Variants in SNX19 observed in about 807,000 individuals in gnomAD.
SNX19 encodes the protein sorting nexin 19, also known as sorting nexin-19.
A neutral mutation model predicts 85.2 loss-of-function variants in SNX19; 60 were observed. That is an observed-to-expected ratio of 0.70 (90% CI 0.57 to 0.87). The LOEUF (loss-of-function observed/expected upper bound fraction) is 0.87, where lower values mean the gene tolerates loss of function less well. Ranked by LOEUF, SNX19 falls within the 40% of genes least tolerant of loss-of-function variation. SNX19 has a pLI of 0.00. For synonymous variants in SNX19, 520 were observed against 470.0 expected (o/e 1.11, Z -1.38); for missense variants, 1,201 against 1,217.8 (o/e 0.99, Z 0.21).
intron 8 of SNX19, among the ~76,000 whole-genome samples, chr11:130,898,291 C>T (rs893918438): frequency 6.6e-6 from 1 of 152,028 alleles, no homozygotes; most frequent in Non-Finnish European, 1.5e-5. Context: ...AATAAACTTG[C>T]CTGCTTGGGG....
chr11:130,880,874 A>G, intron 8 of SNX19, 68 bp from the exon 9 acceptor site: 3 of 1,314,918 alleles, frequency 2.3e-6, no homozygotes, highest in Non-Finnish European at 3.1e-6. Flanking sequence ...CAGCGGACTG[A>G]CTGTTTATGT....
In SNX19 at chr11:130,914,462, G is replaced by A; in HGVS notation, c.1478C>T (p.Ser493Phe). Residue 493 changes from serine to phenylalanine, a missense_variant, in exon 1 of 11, where the codon TCC becomes TTC. Physicochemically the swap from Ser to Phe is radical, Grantham distance 155. This residue lies in a region of SNX19 where 791 missense variants were observed against 750.9 expected (regional missense o/e 1.05). Coordinates refer to ENST00000265909, the MANE Select transcript of SNX19 (RefSeq NM_014758.3). ...LEKDLTNDVS[S>F]LDPTLPPVLL... ...AACTGGTGGCAGAGTAGGATCAAGG[G>A]AGCTCACATCATTGGTGAGATCCTT... The A allele has an allele frequency of 1.2e-6, 2 of 1,613,864 alleles. No individual in the cohort carries two copies. The highest frequency in any genetic ancestry group is 2.2e-5 in the South Asian group (2 of 91,048).
rs1181870454 is a variant in SNX19, at chr11:130,915,871, C to T, written c.69G>A (p.Leu23=). The T allele has an allele frequency of 6.2e-7, 1 of 1,614,228 alleles. No individual in the cohort carries two copies. The highest frequency in any genetic ancestry group is 8.5e-7 in the Non-Finnish European group (1 of 1,180,044). ...CAGCCATCAGCTTCCGGCTACTCAA[C>T]AGGTTATTGAGGTGACAGCTCGATC... ...PAGSSCHLNN[L]LSSRKLMAVG... is the part of the protein sequence containing the mutation. The change falls in exon 1 of 11, where the codon CTG becomes CTA. Residue 23 remains leucine, a synonymous_variant. Transcript: ENST00000265909.
Position 130,893,030 on chromosome 11 carries a change from GAC to G in SNX19, c.2573+10223_2573+10224del, listed in dbSNP as rs1178441231. On this transcript the variant is annotated intron_variant, in intron 8 of 10. Coordinates refer to ENST00000265909, the MANE Select transcript of SNX19 (RefSeq NM_014758.3). ...GCTGAAGCACCAGGAAGAAAGGCAA[GAC>G]ACAAAAGAGGGAAGAAGGCAGTAAT... is the stretch of plus-strand genomic sequence containing the variant. 5 of 152,276 alleles carry G rather than the reference GAC, an allele frequency of 3.3e-5. No individual in the cohort carries two copies. The East Asian group carries it at 7.7e-4, about 24-fold the overall frequency. The allele number at this position is 152,276 out of a possible 1,614,324, so 9.4% of individuals were successfully genotyped here.
In SNX19 at chr11:130,906,635, T is replaced by C; in HGVS notation, c.2252A>G (p.Glu751Gly). ...GGTTTTGGTTCTTACCACATTGCCTTCCTGGAGACAATAAAGAATCTTGTC... is the reference window on the plus strand; with the variant it reads ...GGTTTTGGTTCTTACCACATTGCCTCCCTGGAGACAATAAAGAATCTTGTC... The part of the protein sequence containing the change: ...AQDKILYCLQ[E>G]GNVESETLSM... Residue 751 changes from glutamate to glycine, a missense_variant, in exon 6 of 11, where the codon GAA becomes GGA. By Grantham distance (98) the Glu-to-Gly change is moderately conservative (BLOSUM62 -2). This residue lies in a region of SNX19 where 285 missense variants were observed against 295.3 expected (regional missense o/e 0.97). Transcript: ENST00000265909. The C allele has an allele frequency of 3.7e-6, 6 of 1,611,826 alleles. No individual in the cohort carries two copies. The Middle Eastern group carries it at 1.0e-3, about 268-fold the overall frequency.
intron 8 of SNX19, among the ~76,000 whole-genome samples, chr11:130,881,683 C>T (rs950075322): frequency 6.6e-6 from 1 of 152,354 alleles, no homozygotes; most frequent in East Asian, 1.9e-4. Context: ...GGCCTCTTCT[C>T]GCCTTGCCTG....
At chr11:130,891,818 G>A (rs377050514) in intron 8 of SNX19, among the ~76,000 whole-genome samples, 1 of 149,406 alleles carries the variant, frequency 6.7e-6, no homozygotes, top group African/African-American at 2.5e-5. Context: ...ATTGTGACAT[G>A]TTTAAGATTT....
chr11:130,899,885 C>G (rs938166312), intron 8 of SNX19, among the ~76,000 whole-genome samples: 2 of 152,182 alleles, frequency 1.3e-5, no homozygotes, highest in African/African-American at 4.8e-5. Context: ...AATAGTGATG[C>G]TTTTCCATAA....
At chr11:130,903,429 A>G in intron 7 of SNX19, 45 bp from the exon 8 acceptor site, 1 of 1,591,504 alleles carries the variant, frequency 6.3e-7, no homozygotes, top group Non-Finnish European at 8.5e-7. Flanking sequence ...AGAGACCCAT[A>G]CTTGAGGAAC....
At chr11:130,883,742 C>A (rs535261795) in intron 8 of SNX19, among the ~76,000 whole-genome samples, 2 of 152,302 alleles carry the variant, frequency 1.3e-5, no homozygotes, top group South Asian at 4.1e-4. Flanking sequence ...TAGTCCCAGG[C>A]AGCCTGTGTA....
rs35343079 is a variant in SNX19 at position 130,898,152 on chromosome 11, G to GTT, written c.2573+5101_2573+5102dup. ...GGGGTTATGAGGTCGAACTTACTCT[G>GTT]TTTTTTTTTTTTCCTTTGCAGGATA... On this transcript the variant is annotated intron_variant, in intron 8 of 10. Transcript: ENST00000265909. Among the ~76,000 whole-genome samples the GTT allele has an allele frequency of 3.5e-3, 522 of 148,110 alleles. 3 individuals carry two copies. The highest frequency in any genetic ancestry group is 9.7e-3 in the African/African-American group (393 of 40,426).
chr11:130,889,390 G>A lies in SNX19; in HGVS notation c.2574-8584C>T, dbSNP rs571825201. Among the ~76,000 whole-genome samples the A allele has an allele frequency of 6.6e-5, 10 of 151,562 alleles. No homozygotes were observed. The East Asian group carries it at 7.8e-4, about 12-fold the overall frequency. On this transcript the variant is annotated intron_variant, in intron 8 of 10. Coordinates refer to ENST00000265909, the MANE Select transcript of SNX19 (RefSeq NM_014758.3). ...GTTGAGCTTCTTGTAAATGCCCCCC[G>A]ACCCCCCAGAAAAAGACTCTTAAGG...
Position 130,889,383 on chromosome 11 carries a change from GC to G in SNX19, c.2574-8578del, listed in dbSNP as rs574543243. Reference sequence around the variant, plus strand: ...AGCATTGGTTGAGCTTCTTGTAAATGCCCCCCGACCCCCCAGAAAAAGACTC... The same window carrying G: ...AGCATTGGTTGAGCTTCTTGTAAATGCCCCCGACCCCCCAGAAAAAGACTC... On this transcript the variant is annotated intron_variant, in intron 8 of 10. Coordinates refer to ENST00000265909, the MANE Select transcript of SNX19 (RefSeq NM_014758.3). Among the ~76,000 whole-genome samples the G allele has an allele frequency of 7.9e-5, 12 of 151,878 alleles. No individual in the cohort carries two copies. The South Asian group carries it at 1.3e-3, about 16-fold the overall frequency.
rs1015944046 is a variant in SNX19, at chr11:130,903,200, T to G, written c.2573+55A>C. On this transcript the variant is annotated intron_variant, in intron 8 of 10. Transcript: ENST00000265909. ...TCCCTGGACACTATTCAGCATCACA[T>G]CCACCTTCTCTGCAACTTGAGATTC... 3.1e-6 allele frequency: 5 copies of G among 1,608,110 alleles called. No individual in the cohort carries two copies. In the African/African-American group the frequency reaches 5.3e-5, roughly 17 times the overall value.
chr11:130,870,517 A>T lies in SNX19; in HGVS notation c.*7905T>A, dbSNP rs1403944474. On this transcript the variant is annotated 3_prime_UTR_variant, in exon 11 of 11. Transcript: ENST00000265909. ...GGGTTCCCACCCACACGCAAGATGTACAAAGCTGTCTGGGGCAGGTCTGGT... is the reference window on the plus strand; with the variant it reads ...GGGTTCCCACCCACACGCAAGATGTTCAAAGCTGTCTGGGGCAGGTCTGGT... Among the ~76,000 whole-genome samples, 1 of 152,264 alleles carries T rather than the reference A, an allele frequency of 6.6e-6. No homozygotes were observed. The highest frequency in any genetic ancestry group is 1.5e-5 in the Non-Finnish European group (1 of 68,046).
At chr11:130,905,593 GA>G in intron 7 of SNX19, 1 of 1,318,572 alleles carries the variant, frequency 7.6e-7, no homozygotes, top group Non-Finnish European at 1.0e-6. Context: ...AAAAAGGCAT[GA>G]AGGAAACCAG....
chr11:130,906,493 C>A, intron 6 of SNX19, 132 bp downstream of exon 6: 1 of 710,488 alleles, frequency 1.4e-6, no homozygotes, highest in Non-Finnish European at 2.4e-6. Flanking sequence ...AGCATAAAAG[C>A]TGGAGATCCA....
intron 10 of SNX19, 45 bp downstream of exon 10, chr11:130,879,579 G>A (rs566082292): frequency 6.5e-7 from 1 of 1,536,974 alleles, no homozygotes; most frequent in Non-Finnish European, 9.0e-7. Context: ...GAGACCAGAG[G>A]TGGCTGTAAC....
In SNX19 at chr11:130,903,337, G is replaced by A; in HGVS notation, c.2491C>T (p.Leu831=). The change falls in exon 8 of 11, where the codon CTA becomes TTA. Residue 831 remains leucine (L), a synonymous_variant. Coordinates refer to ENST00000265909, the MANE Select transcript of SNX19 (RefSeq NM_014758.3). ...ADTALDLLLL[L]LTEQWKWLCT... ...AGCCATTTCCACTGTTCTGTTAGTAGCAAGAGGAGCAGATCCAGGGCTGTG... is the reference window on the plus strand; with the variant it reads ...AGCCATTTCCACTGTTCTGTTAGTAACAAGAGGAGCAGATCCAGGGCTGTG... 1 of 1,613,482 alleles carries A rather than the reference G, an allele frequency of 6.2e-7. No individual in the cohort carries two copies. Among genetic ancestry groups the A allele is most frequent in the Non-Finnish European group, 8.5e-7 (1 of 1,179,900 alleles).
Sources: allele counts gnomAD v4.1 joint callset (sites outside exome capture counted in the v4.1 genomes callset), GRCh38; gene constraint gnomAD v4.1.1; regional missense constraint gnomAD v4.1.1; transcripts MANE v1.5; gene names NCBI Gene and HGNC (gene_info 2026-07-23, HGNC 2026-07-21).